Variants in SUPT3H observed in about 807,000 individuals in gnomAD.
SUPT3H encodes SPT3 homolog, SAGA and STAGA complex component, also known as transcription initiation protein SPT3 homolog.
Under a neutral mutation model 44.3 loss-of-function variants are expected in SUPT3H, and 44 were observed. The ratio of observed to expected loss-of-function variants is 0.99; its 90% CI spans 0.78 to 1.28. The LOEUF is 1.28. Among genes scored for constraint, SUPT3H ranks in the 50% most tolerant of loss-of-function variants. The probability of loss-of-function intolerance (pLI) is 0.00; values close to 1 mark genes in which losing one functional copy is unlikely to be tolerated. For synonymous variants in SUPT3H, 124 were observed against 125.6 expected (o/e 0.99, Z 0.09); for missense variants, 380 against 387.1 (o/e 0.98, Z 0.15).
At chr6:44,879,780 C>T (rs1279860371) in intron 10 of SUPT3H, among the ~76,000 whole-genome samples, 2 of 152,180 alleles carry the variant, frequency 1.3e-5, no homozygotes, top group Non-Finnish European at 2.9e-5. Flanking sequence ...GATACCCAGG[C>T]AAACAGGGTC....
chr6:45,125,098 T>C (rs888262982), intron 2 of SUPT3H, among the ~76,000 whole-genome samples: 3 of 152,202 alleles, frequency 2.0e-5, no homozygotes, highest in African/African-American at 7.2e-5. Context: ...CACTTGATTG[T>C]GGATGTCTAA....
chr6:44,931,523 T>A (rs1336971541), intron 10 of SUPT3H, among the ~76,000 whole-genome samples: 1 of 152,146 alleles, frequency 6.6e-6, no homozygotes, highest in African/African-American at 2.4e-5. Context: ...ATTTAATTAT[T>A]TCTTTTCAAT....
chr6:45,160,127 G>C (rs553817229), intron 2 of SUPT3H, among the ~76,000 whole-genome samples: 79 of 152,274 alleles, frequency 5.2e-4, no homozygotes, highest in African/African-American at 1.8e-3. Context: ...TCATTAACAA[G>C]GATACCGAAA....
intron 2 of SUPT3H, among the ~76,000 whole-genome samples, chr6:45,217,485 T>A (rs182563720): frequency 0.048 from 7,116 of 147,394 alleles, 254 homozygotes; most frequent in African/African-American, 0.094. Flanking sequence ...AAAAATAAAA[T>A]AAAATAAAAT....
rs569948313 is a variant in SUPT3H at position 45,011,324 on chromosome 6, A to G, written c.364+3477T>C. Among the ~76,000 whole-genome samples the G allele has an allele frequency of 3.9e-5, 6 of 152,152 alleles. No homozygotes were observed. The South Asian group carries it at 1.0e-3, about 26-fold the overall frequency. On this transcript the variant is annotated intron_variant, in intron 5 of 10. Coordinates refer to ENST00000371459, the MANE Select transcript of SUPT3H (RefSeq NM_003599.4). ...TGTGACTGAGCTTTTCTTTGTGGAA[A>G]TTTTTAAGCTACTAATTTAACCTTT... is the stretch of plus-strand genomic sequence containing the variant.
At chr6:44,990,335 T>C (rs1780443063) in intron 6 of SUPT3H, among the ~76,000 whole-genome samples, 1 of 152,126 alleles carries the variant, frequency 6.6e-6, no homozygotes, top group Non-Finnish European at 1.5e-5. Flanking sequence ...CATTGGTCTC[T>C]GTGTCTGTTT....
intron 2 of SUPT3H, among the ~76,000 whole-genome samples, chr6:45,240,212 T>C (rs1562770739): frequency 6.6e-6 from 1 of 152,128 alleles, no homozygotes; most frequent in East Asian, 1.9e-4. Flanking sequence ...GTTGCAGCCA[T>C]GTTGACACTG....
intron 3 of SUPT3H, among the ~76,000 whole-genome samples, chr6:45,031,567 T>G (rs1554214515): frequency 6.6e-6 from 1 of 152,202 alleles, no homozygotes; most frequent in Non-Finnish European, 1.5e-5. Flanking sequence ...TGTTACGGTT[T>G]TTAACAGAAT....
intron 2 of SUPT3H, among the ~76,000 whole-genome samples, chr6:45,269,701 CTT>C (rs1349599629): frequency 6.6e-6 from 1 of 152,136 alleles, no homozygotes; most frequent in East Asian, 1.9e-4. Context: ...TAATTGTTTG[CTT>C]TATACACTTG....
chr6:45,231,836 A>G (rs1487216085), intron 2 of SUPT3H, among the ~76,000 whole-genome samples: 1 of 152,160 alleles, frequency 6.6e-6, no homozygotes, highest in African/African-American at 2.4e-5. Flanking sequence ...TGTGTCTTCA[A>G]GTTGAGAGTC....
At chr6:45,069,316 C>CA (rs1000939633) in intron 3 of SUPT3H, among the ~76,000 whole-genome samples, 3 of 151,984 alleles carry the variant, frequency 2.0e-5, no homozygotes, top group African/African-American at 4.8e-5. Flanking sequence ...AGCGACATGA[C>CA]AAAAAACGTG....
chr6:45,255,503 C>A (rs1446902733), intron 2 of SUPT3H, among the ~76,000 whole-genome samples: 3 of 146,498 alleles, frequency 2.0e-5, no homozygotes, highest in African/African-American at 7.6e-5. Context: ...CTCAATGAAG[C>A]TTTGAATTCC....
intron 10 of SUPT3H, among the ~76,000 whole-genome samples, chr6:44,927,124 G>C (rs1769631487): frequency 6.6e-6 from 1 of 151,934 alleles, no homozygotes; most frequent in South Asian, 2.1e-4. Flanking sequence ...AGTGAATAAA[G>C]GTACAGTTAG....
intron 2 of SUPT3H, among the ~76,000 whole-genome samples, chr6:45,249,157 TTAAA>T (rs1484297585): frequency 2.0e-5 from 3 of 152,164 alleles, no homozygotes; most frequent in African/African-American, 7.2e-5. Context: ...AATATTTCAT[TTAAA>T]TAGTTTCCTG....
intron 10 of SUPT3H, among the ~76,000 whole-genome samples, chr6:44,908,123 A>C (rs1766401040): frequency 6.6e-6 from 1 of 151,850 alleles, no homozygotes; most frequent in South Asian, 2.1e-4. Flanking sequence ...AAAATGTAGC[A>C]AGATTTTTAG....
chr6:45,061,484 T>A (rs934324030), intron 3 of SUPT3H, among the ~76,000 whole-genome samples: 1 of 152,120 alleles, frequency 6.6e-6, no homozygotes, highest in Non-Finnish European at 1.5e-5. Flanking sequence ...GAATAGCTAA[T>A]GCATGCTGGG....
chr6:45,104,762 C>G (rs1484923603), intron 3 of SUPT3H, among the ~76,000 whole-genome samples: 5 of 151,794 alleles, frequency 3.3e-5, no homozygotes. Flanking sequence ...TATTAAAACA[C>G]AACTGAAAAA....
At position 45,331,843 on chromosome 6, in the gene SUPT3H, T is replaced by C. The variant is rs540125001; in HGVS notation, c.101+33358A>G. 5.3e-5 allele frequency among the ~76,000 whole-genome samples: 8 copies of C among 152,080 alleles called. No homozygotes were observed. The South Asian group carries it at 1.7e-3, about 32-fold the overall frequency. On this transcript the variant is annotated intron_variant, in intron 2 of 10. Coordinates refer to ENST00000371459, the MANE Select transcript of SUPT3H (RefSeq NM_003599.4). ...AATATTAATTTATTCAATTACTCTCTTCCAGCTAACAACTGATAGTTTGAC... is the reference window on the plus strand; with the variant it reads ...AATATTAATTTATTCAATTACTCTCCTCCAGCTAACAACTGATAGTTTGAC...
At chr6:45,300,837 T>TACGAC (rs1782028273) in intron 2 of SUPT3H, among the ~76,000 whole-genome samples, 1 of 152,032 alleles carries the variant, frequency 6.6e-6, no homozygotes, top group South Asian at 2.1e-4. Context: ...AGGCAAAACC[T>TACGAC]AAGAACTCTG....
Sources: gnomAD v4.1 joint callset for allele counts (sites outside exome capture counted in the v4.1 genomes callset) on GRCh38, gnomAD v4.1.1 for gene constraint, MANE v1.5 for transcripts, NCBI Gene and HGNC (gene_info 2026-07-23, HGNC 2026-07-21) for gene names.